C13orf46: variants seen among roughly 807,000 people sequenced by gnomAD.
The protein encoded by C13orf46 is chromosome 13 open reading frame 46.
the C13orf46 span, among the ~76,000 whole-genome samples, chr13:113,930,867 T>C: frequency 6.6e-6 from 1 of 152,064 alleles, no homozygotes; most frequent in East Asian, 1.9e-4. Flanking sequence ...TGGCGGCCGC[T>C]CCTTCTCCAG....
chr13:113,929,578 A>T, the C13orf46 span, among the ~76,000 whole-genome samples: 1 of 152,216 alleles, frequency 6.6e-6, no homozygotes, highest in Non-Finnish European at 1.5e-5. Flanking sequence ...GGGAGGTGCC[A>T]TGTGGGACGA....
chr13:113,953,357 C>T (rs927909118), downstream of C13orf46, among the ~76,000 whole-genome samples: 5 of 152,176 alleles, frequency 3.3e-5, no homozygotes, highest in Admixed American at 6.5e-5. Context: ...AGGAGCAGCA[C>T]GTGGAACTTT....
Position 113,969,967 on chromosome 13 carries a change from A to G in C13orf46, c.242+204T>C, listed in dbSNP as rs1056524079. On this transcript the variant is annotated intron_variant, in intron 2 of 6. Transcript: ENST00000636427. ...CAGGTGGGTCCTGTTCCCACGCTGA[A>G]TTCCTCTCAAAATAAGGAGGATTTC... Among the ~76,000 whole-genome samples the G allele has an allele frequency of 9.3e-3, 1,419 of 152,190 alleles. 9 individuals carry two copies. Among genetic ancestry groups the G allele is most frequent in the South Asian group, 0.04 (194 of 4,818 alleles).
chr13:113,935,238 C>T, the C13orf46 span, among the ~76,000 whole-genome samples: 5 of 152,226 alleles, frequency 3.3e-5, no homozygotes, highest in Admixed American at 6.5e-5. Context: ...GGCAGTGACT[C>T]GGCCCCCGGC....
chr13:113,934,718 G>A, the C13orf46 span, among the ~76,000 whole-genome samples: 4 of 152,356 alleles, frequency 2.6e-5, no homozygotes, highest in African/African-American at 7.2e-5. Flanking sequence ...TGGGCTCCAC[G>A]CATACACACT....
chr13:113,927,144 A>G, the C13orf46 span: 3 of 168,164 alleles, frequency 1.8e-5, no homozygotes, highest in Non-Finnish European at 2.5e-5. Flanking sequence ...GACAAAATAC[A>G]GCTCCGCTTC....
chr13:113,936,615 T>C, the C13orf46 span, among the ~76,000 whole-genome samples: 298 of 152,294 alleles, frequency 2.0e-3, no homozygotes, highest in African/African-American at 6.9e-3. Context: ...TAGAGTTTTA[T>C]TGTTACTCAC....
the C13orf46 span, among the ~76,000 whole-genome samples, chr13:113,940,123 C>T: frequency 2.0e-5 from 3 of 152,224 alleles, no homozygotes; most frequent in Non-Finnish European, 4.4e-5. Context: ...ACCCCAGGGG[C>T]GGGGGCTGCG....
At chr13:113,964,286 A>G (rs2052616117) in intron 6 of C13orf46, among the ~76,000 whole-genome samples, 1 of 152,248 alleles carries the variant, frequency 6.6e-6, no homozygotes, top group Non-Finnish European at 1.5e-5. Flanking sequence ...GTTGCTTAAA[A>G]TAAAACACTA....
In C13orf46 at chr13:113,959,464, C is replaced by T. The variant is rs984565580; in HGVS notation, c.573-2625G>A. ...AGGTGCTTCCCCTTTTAATCTGACT[C>T]CCAGTGGGAAATGAATCATAACAAA... On this transcript the variant is annotated intron_variant, in intron 6 of 6. Transcript: ENST00000636427. 2.3e-3 allele frequency among the ~76,000 whole-genome samples: 349 copies of T among 152,236 alleles called. 1 individual carries two copies. Among genetic ancestry groups the T allele is most frequent in the Non-Finnish European group, 3.8e-3 (259 of 68,016 alleles).
downstream of C13orf46, among the ~76,000 whole-genome samples, chr13:113,952,062 A>G (rs1276883977): frequency 1.3e-5 from 2 of 152,222 alleles, no homozygotes; most frequent in African/African-American, 4.8e-5. Context: ...GACAGCCCCC[A>G]AGGAACCAGA....
intron 6 of C13orf46, among the ~76,000 whole-genome samples, chr13:113,964,448 C>T (rs1048429709): frequency 6.6e-5 from 10 of 152,182 alleles, no homozygotes; most frequent in East Asian, 1.9e-4. Context: ...TGCCTAGCCC[C>T]GGCCCCAGGG....
intron 6 of C13orf46, among the ~76,000 whole-genome samples, chr13:113,964,563 G>A (rs1251259567): frequency 5.9e-5 from 9 of 152,146 alleles, no homozygotes; most frequent in Non-Finnish European, 1.3e-4. Context: ...AACCTAAACA[G>A]GAGAAGTCAG....
chr13:113,930,402 G>A, the C13orf46 span, among the ~76,000 whole-genome samples: 2 of 114,286 alleles, frequency 1.7e-5, no homozygotes, highest in South Asian at 2.3e-4. Context: ...GCACCGAGGC[G>A]GGGGCGCAGG....
the C13orf46 span, among the ~76,000 whole-genome samples, chr13:113,945,895 C>T: frequency 8.3e-6 from 1 of 120,744 alleles, no homozygotes; most frequent in African/African-American, 2.9e-5. Flanking sequence ...CCAGGGGAAC[C>T]ACCTTGAGGT....
At chr13:113,950,035 C>A (rs1213878048), downstream of C13orf46, among the ~76,000 whole-genome samples, 23 of 147,778 alleles carry the variant, frequency 1.6e-4, no homozygotes, top group African/African-American at 5.5e-4. Context: ...GTGCTCCCAT[C>A]TGTAGAGTGG....
rs942011835 is a variant in C13orf46, at chr13:113,954,416, G to C, written c.*2357C>G. 4.6e-5 allele frequency: 7 copies of C among 152,696 alleles called. No homozygotes were observed. Among genetic ancestry groups the C allele is most frequent in the Non-Finnish European group, 7.3e-5 (5 of 68,434 alleles). The allele number at this position is 152,696 out of a possible 1,614,324, so 9.5% of individuals were successfully genotyped here. A position where few individuals can be genotyped will look rare whatever the true frequency, so the allele number is the denominator to read the frequency against. On this transcript the variant is annotated 3_prime_UTR_variant, in exon 7 of 7. Coordinates refer to ENST00000636427, the MANE Select transcript of C13orf46 (RefSeq NM_001365455.2). ...CTGGTGAAACTCGTCTTACAGGCAT[G>C]TCCTGGAGCCCCCCACACCCCTAGG...
chr13:113,961,489 T>TTTTTTTTTGTTTTTTTTTTGAGACGGA (rs1594246332), intron 6 of C13orf46, among the ~76,000 whole-genome samples: 1 of 151,148 alleles, frequency 6.6e-6, no homozygotes, highest in Non-Finnish European at 1.5e-5. Flanking sequence ...ACTGTTTTCT[T>TTTTTTTTTGTTTTTTTTTTGAGACGGA]GTTGGTTAGA....
the C13orf46 span, among the ~76,000 whole-genome samples, chr13:113,945,575 A>C: frequency 2.2e-5 from 2 of 89,144 alleles, no homozygotes; most frequent in East Asian, 5.2e-4. Flanking sequence ...GAAAGAAAGA[A>C]AGAGAGAGAG....
Sources: allele counts gnomAD v4.1 joint callset (sites outside exome capture counted in the v4.1 genomes callset), GRCh38; gene constraint gnomAD v4.1.1; transcripts MANE v1.5; gene names NCBI Gene and HGNC (gene_info 2026-07-23, HGNC 2026-07-21).